The following PTPRU variants were observed in gnomAD, a reference collection of about 807,000 sequenced individuals.
The protein encoded by PTPRU is receptor-type tyrosine-protein phosphatase U.
In PTPRU, 69 loss-of-function variants were observed where a neutral mutation model predicts 166.3. The observed-to-expected ratio is 0.41, with a 90% CI of 0.34 to 0.51. PTPRU has a LOEUF of 0.51. Ranked by LOEUF, PTPRU falls within the 20% of genes least tolerant of loss-of-function variation. PTPRU has a pLI of 0.09. For synonymous variants in PTPRU, 793 were observed against 814.0 expected (o/e 0.97, Z 0.44); for missense variants, 1,657 against 2,013.7 (o/e 0.82, Z 3.39).
rs1685038151 is a variant in PTPRU, at chr1:29,260,960, G to A, written c.1144+57G>A. The A allele has an allele frequency of 6.2e-6, 9 of 1,455,984 alleles. No individual in the cohort carries two copies. In the Admixed American group the frequency reaches 1.0e-4, roughly 17 times the overall value. The allele number at this position is 1,455,984 out of a possible 1,614,324, so 90.2% of individuals were successfully genotyped here. ...TCTGGTGGGCCCAGGGCTATGGAGG[G>A]GCGCATTCGAGAGGTAGCGTGGCCT... On this transcript the variant is annotated intron_variant, in intron 7 of 29. Coordinates refer to ENST00000373779, the MANE Select transcript of PTPRU (RefSeq NM_133178.4). The surrounding 1 kb of genome is among the most constrained non-coding windows in gnomAD (Gnocchi z 8.3).
At chr1:29,252,609 C>A (rs886906620) in intron 1 of PTPRU, among the ~76,000 whole-genome samples, 1 of 152,170 alleles carries the variant, frequency 6.6e-6, no homozygotes, top group African/African-American at 2.4e-5. Context: ...ATCCGCATCA[C>A]CGCCTAGAGG....
chr1:29,286,662 A>G (rs1229746571), intron 14 of PTPRU, among the ~76,000 whole-genome samples: 1 of 152,000 alleles, frequency 6.6e-6, no homozygotes, highest in Non-Finnish European at 1.5e-5. Context: ...TTCAGGTGGT[A>G]TTTGAGGTCC....
Position 29,292,044 on chromosome 1 carries a change from C to G in PTPRU, c.2476+18C>G, listed in dbSNP as rs370811913. 10 of 1,612,658 alleles carry G rather than the reference C, an allele frequency of 6.2e-6. No homozygotes were observed. Among genetic ancestry groups the G allele is most frequent in the Non-Finnish European group, 8.5e-6 (10 of 1,179,104 alleles). On this transcript the variant is annotated intron_variant, in intron 15 of 29. Transcript: ENST00000373779. ...CACCCGGGGTGAGTGCCCGGCCCTC[C>G]TACCCCTTCTTCATGGCTCTGGGGC...
At position 29,254,541 on chromosome 1, in the gene PTPRU, C is replaced by T. The variant is rs115003038; in HGVS notation, c.74-734C>T. 7.2e-3 allele frequency among the ~76,000 whole-genome samples: 1,096 copies of T among 152,282 alleles called. 5 individuals carry two copies. Among genetic ancestry groups the T allele is most frequent in the African/African-American group, 0.025 (1,031 of 41,560 alleles). On this transcript the variant is annotated intron_variant, in intron 1 of 29. Transcript: ENST00000373779. ...CCTGCAGGCAGAGACCTAATTTGGCCGACTTTGGGCAATGACTGAATTCCA... is the reference window on the plus strand; with the variant it reads ...CCTGCAGGCAGAGACCTAATTTGGCTGACTTTGGGCAATGACTGAATTCCA...
At chr1:29,309,241 C>G (rs1687540127) in intron 18 of PTPRU, among the ~76,000 whole-genome samples, 1 of 152,174 alleles carries the variant, frequency 6.6e-6, no homozygotes, top group Non-Finnish European at 1.5e-5. Context: ...AATATGGACA[C>G]CACCTGGGAG....
Position 29,323,638 on chromosome 1 carries a change from A to G in PTPRU, c.3962A>G (p.Glu1321Gly). 1 of 1,613,896 alleles carries G rather than the reference A, an allele frequency of 6.2e-7. No individual in the cohort carries two copies. The highest frequency in any genetic ancestry group is 8.5e-7 in the Non-Finnish European group (1 of 1,179,930). The change falls in exon 28 of 30, where the codon GAG becomes GGG. Residue 1321 changes from glutamate (E) to glycine (G), a missense_variant. Physicochemically the swap from Glu to Gly is moderately conservative, Grantham distance 98. This residue lies in a region of PTPRU where 1,190 missense variants were observed against 1,477.4 expected (regional missense o/e 0.81). Transcript: ENST00000373779. ...FRVQNISRLQ[E>G]GHLLVRHFQF... ...GGCTGCCCCTGTCCCCAGTTGCAGG[A>G]GGGGCACCTGCTGGTGCGGCACTTC...
rs766779244 is a variant in PTPRU, at chr1:29,305,366, G to A, written c.2758G>A (p.Val920Met). 41 of 1,613,860 alleles carry A rather than the reference G, an allele frequency of 2.5e-5. No homozygotes were observed. Among genetic ancestry groups the A allele is most frequent in the Middle Eastern group, 1.6e-4 (1 of 6,084 alleles). The change falls in exon 18 of 30, where the codon GTG becomes ATG. Residue 920 changes from valine (V) to methionine (M), a missense_variant. Val to Met is a conservative substitution (Grantham distance 21). This residue lies in a region of PTPRU where 1,190 missense variants were observed against 1,477.4 expected (regional missense o/e 0.81). Transcript: ENST00000373779. ...TGTGTTTACAGATGATCGGCACCGA[G>A]TGAAACTGCACCCGATGCTGGGAGA... ...EPMPAYDRHR[V>M]KLHPMLGDPN...
chr1:29,321,425 G>T (rs1688155812), intron 26 of PTPRU, among the ~76,000 whole-genome samples: 1 of 152,094 alleles, frequency 6.6e-6, no homozygotes, highest in African/African-American at 2.4e-5. Flanking sequence ...GACCTTGGAG[G>T]GAAGGCTTCA....
intron 15 of PTPRU, among the ~76,000 whole-genome samples, chr1:29,296,775 G>T (rs949211803): frequency 6.7e-6 from 1 of 149,492 alleles, no homozygotes; most frequent in African/African-American, 2.5e-5. Flanking sequence ...ACTTGTCTTT[G>T]CCTCTCAAAG....
At chr1:29,305,218 T>G (rs531554753) in intron 17 of PTPRU, 134 bp from the exon 18 acceptor site, 36 of 791,896 alleles carry the variant, frequency 4.5e-5, no homozygotes, top group African/African-American at 3.7e-4. Flanking sequence ...CAGAGACTAC[T>G]GGTAAGCCCT....
At chr1:29,252,669 T>A (rs988028827) in intron 1 of PTPRU, among the ~76,000 whole-genome samples, 4 of 152,176 alleles carry the variant, frequency 2.6e-5, no homozygotes, top group Non-Finnish European at 5.9e-5. Flanking sequence ...TGAAGTCGCT[T>A]GCTGCGTGTG....
chr1:29,293,114 G>T (rs1256944747), intron 15 of PTPRU, among the ~76,000 whole-genome samples: 1 of 152,124 alleles, frequency 6.6e-6, no homozygotes, highest in African/African-American at 2.4e-5. Flanking sequence ...TGAGTAGCTG[G>T]GATTACAGGT....
intron 7 of PTPRU, among the ~76,000 whole-genome samples, chr1:29,261,201 T>C (rs1685050895): frequency 6.6e-6 from 1 of 152,176 alleles, no homozygotes; most frequent in Admixed American, 6.5e-5. Context: ...GGTACAGAGA[T>C]GTTAAGTGAC....
At chr1:29,319,850 A>G (rs12740949) in intron 25 of PTPRU, among the ~76,000 whole-genome samples, 13,629 of 151,360 alleles carry the variant, frequency 0.09, 779 homozygotes, top group Middle Eastern at 0.18. Flanking sequence ...GAGGGGGGAC[A>G]TGGCACAGGG....
chr1:29,252,537 G>A (rs1684600179), intron 1 of PTPRU, among the ~76,000 whole-genome samples: 1 of 152,000 alleles, frequency 6.6e-6, no homozygotes, highest in African/African-American at 2.4e-5. Flanking sequence ...CAAAGTGTTG[G>A]GATTACAGGT....
chr1:29,304,491 C>A (rs1687289782), intron 16 of PTPRU, among the ~76,000 whole-genome samples: 1 of 152,208 alleles, frequency 6.6e-6, no homozygotes, highest in South Asian at 2.1e-4. Context: ...TTCTTTCTAA[C>A]CGTTATTCTA....
Position 29,279,516 on chromosome 1 carries a change from A to G in PTPRU, c.1624A>G (p.Thr542Ala), listed in dbSNP as rs919785307. ...PAVNVPGPRR[T>A]ISKLRNETYH... ...AGTGAACGTGCCAGGCCCACGACGT[A>G]CCATCTCCAAGCTCCGCAATGAGAC... is the stretch of plus-strand genomic sequence containing the variant. The change falls in exon 10 of 30, where the codon ACC becomes GCC. Residue 542 changes from threonine (T) to alanine (A), a missense_variant. Thr to Ala is a moderately conservative substitution (Grantham distance 58). Coordinates refer to ENST00000373779, the MANE Select transcript of PTPRU (RefSeq NM_133178.4). The surrounding 1 kb of genome is among the most constrained non-coding windows in gnomAD (Gnocchi z 5.2). The G allele has an allele frequency of 1.9e-6, 3 of 1,614,182 alleles. No homozygotes were observed. The South Asian group carries it at 3.3e-5, about 18-fold the overall frequency.
rs1005323251 is a variant in PTPRU at position 29,312,784 on chromosome 1, G to A, written c.3227+78G>A. On this transcript the variant is annotated intron_variant, in intron 22 of 29. Transcript: ENST00000373779. ...TGGGCTTGGGGTCAGGTTGGTTCAG[G>A]ATCTGTAGTGGGGACCAGGCCTGGG... The A allele has an allele frequency of 3.3e-6, 5 of 1,493,558 alleles. No homozygotes were observed. In the African/African-American group the frequency reaches 5.5e-5, roughly 17 times the overall value. The allele number at this position is 1,493,558 out of a possible 1,614,324, so 92.5% of individuals were successfully genotyped here. A position where few individuals can be genotyped will look rare whatever the true frequency, so the allele number is the denominator to read the frequency against.
chr1:29,326,390 C>T lies in PTPRU; in HGVS notation c.*729C>T, dbSNP rs1359459867. The T allele has an allele frequency of 6.5e-6, 1 of 153,434 alleles. No individual in the cohort carries two copies. The highest frequency in any genetic ancestry group is 1.5e-5 in the Non-Finnish European group (1 of 68,640). 9.5% of individuals were successfully genotyped at this position (153,434 alleles called of 1,614,324 possible). A position where few individuals can be genotyped will look rare whatever the true frequency, so the allele number is the denominator to read the frequency against. On this transcript the variant is annotated 3_prime_UTR_variant, in exon 30 of 30. Coordinates refer to ENST00000373779, the MANE Select transcript of PTPRU (RefSeq NM_133178.4). Reference sequence around the variant, plus strand: ...CTGACCCACTGTTGCAGAATGAAGTCACCTCGCCCCCCTCTTCCTTTAATC... The same window carrying T: ...CTGACCCACTGTTGCAGAATGAAGTTACCTCGCCCCCCTCTTCCTTTAATC...
Sources: gnomAD v4.1 joint callset for allele counts (sites outside exome capture counted in the v4.1 genomes callset) on GRCh38, gnomAD v4.1.1 for gene constraint, gnomAD v4.1.1 regional missense constraint, Gnocchi (gnomAD v3.1) non-coding constraint, MANE v1.5 for transcripts, NCBI Gene and HGNC (gene_info 2026-07-23, HGNC 2026-07-21) for gene names.